COPS7A: variants seen among roughly 807,000 people sequenced by gnomAD.
COPS7A encodes the protein COP9 signalosome complex subunit 7a.
A neutral mutation model predicts 35.2 loss-of-function variants in COPS7A; 20 were observed. The observed-to-expected ratio is 0.57, with a 90% confidence interval of 0.40 to 0.83. The LOEUF (loss-of-function observed/expected upper bound fraction) is 0.83, where lower values mean the gene tolerates loss of function less well. Among genes scored for constraint, COPS7A ranks in the 40% least tolerant of loss-of-function variants. The probability of loss-of-function intolerance (pLI) is 0.00; values close to 1 mark genes in which losing one functional copy is unlikely to be tolerated. For synonymous variants in COPS7A, 139 were observed against 141.4 expected, an observed-to-expected ratio of 0.98 and a Z score of 0.12; for missense variants, 247 against 347.5, an observed-to-expected ratio of 0.71 and a Z score of 2.30.
Position 6,731,137 on chromosome 12 carries a change from A to G in COPS7A, c.*98A>G, listed in dbSNP as rs750033403. On this transcript the variant is annotated 3_prime_UTR_variant, in exon 8 of 8. Coordinates refer to ENST00000543155, the MANE Select transcript of COPS7A (RefSeq NM_001164094.2). ...CCTTCTGTGCCCCTGGCCAGCTGAT[A>G]ATCCTAGGTTCATGACCCTTCACCT... The G allele has an allele frequency of 1.0e-4, 163 of 1,610,566 alleles. 1 individual carries two copies. In the South Asian group the frequency reaches 1.8e-3, roughly 18 times the overall value.
At position 6,729,396 on chromosome 12, in the gene COPS7A, G is replaced by T. The variant is rs1393740537; in HGVS notation, c.477G>T (p.Gly159=). Residue 159 remains glycine (G), a synonymous_variant, in exon 5 of 8, where the codon GGG becomes GGT. Transcript: ENST00000543155. The surrounding 1 kb of genome is among the most constrained non-coding windows in gnomAD (Gnocchi z 4.2). ...NQRLEVDYSI[G]RDIQRQDLSA... ...GGCTCGAGGTTGACTACAGCATCGG[G>T]CGGGACATCCAGCGCCAGGACCTCA... The T allele has an allele frequency of 1.9e-6, 3 of 1,614,038 alleles. No individual in the cohort carries two copies. In the Admixed American group the frequency reaches 5.0e-5, roughly 27 times the overall value.
Position 6,724,816 on chromosome 12 carries a change from G to C in COPS7A, c.160G>C (p.Glu54Gln), listed in dbSNP as rs1396271960. The change falls in exon 2 of 8, where the codon GAG (glutamate) becomes CAG (glutamine). Residue 54 changes from glutamate (E) to glutamine (Q), a missense_variant and splice_region_variant. Transcript: ENST00000543155. ...ACTGCTGGACATGCCCAATGTTAGA[G>C]AGGTGGGTTGCTGGCTTGAATAGCC... is the stretch of plus-strand genomic sequence containing the variant. ...GELLDMPNVRELAESDFASTF... is the reference protein window; with the variant it reads ...GELLDMPNVRQLAESDFASTF... 2 of 1,614,152 alleles carry C rather than the reference G, an allele frequency of 1.2e-6. No individual in the cohort carries two copies. The highest frequency in any genetic ancestry group is 4.5e-5 in the East Asian group (2 of 44,880).
chr12:6,726,337 C>T (rs1237008966), intron 2 of COPS7A, among the ~76,000 whole-genome samples: 2 of 150,942 alleles, frequency 1.3e-5, no homozygotes, highest in African/African-American at 4.9e-5. Flanking sequence ...TGGCTCATGC[C>T]TCTCATGCCT....
Position 6,731,266 on chromosome 12 carries a change from G to A in COPS7A, c.*227G>A. 1.4e-6 allele frequency: 2 copies of A among 1,445,262 alleles called. No individual in the cohort carries two copies. Among genetic ancestry groups the A allele is most frequent in the Non-Finnish European group, 1.8e-6 (2 of 1,101,196 alleles). The allele number at this position is 1,445,262 out of a possible 1,614,324, so 89.5% of individuals were successfully genotyped here. On this transcript the variant is annotated 3_prime_UTR_variant, in exon 8 of 8. Transcript: ENST00000543155. ...TTTTTGTGACTTCATGTGTTCCATT[G>A]CTCCCCGCTGCCATGCTCTCTCCCT...
chr12:6,727,035 T>C (rs1221668295), intron 2 of COPS7A, among the ~76,000 whole-genome samples: 2 of 152,196 alleles, frequency 1.3e-5, no homozygotes, highest in African/African-American at 2.4e-5. Flanking sequence ...CAAGGATTGA[T>C]TGATTAAGTG....
Position 6,729,233 on chromosome 12 carries a change from C to T in COPS7A, c.328-14C>T, listed in dbSNP as rs752226374. On this transcript the variant is annotated splice_polypyrimidine_tract_variant and intron_variant, in intron 4 of 7. Transcript: ENST00000543155. The surrounding 1 kb of genome is among the most constrained non-coding windows in gnomAD (Gnocchi z 4.2). ...GGAGCGTCACAAATCCTGGCCTGAT[C>T]TCCGCGGCCCCAGTGTATCCCATAT... 16 of 1,613,872 alleles carry T rather than the reference C, an allele frequency of 9.9e-6. No homozygotes were observed. The highest frequency in any genetic ancestry group is 1.3e-5 in the African/African-American group (1 of 74,886).
Position 6,729,378 on chromosome 12 carries a change from G to A in COPS7A, c.459G>A (p.Glu153=), listed in dbSNP as rs1289435908. Residue 153 remains glutamate (E), a synonymous_variant, in exon 5 of 8, where the codon GAG becomes GAA. Transcript: ENST00000543155. This position sits in a 1 kb window ranked among gnomAD's most constrained non-coding sequence, Gnocchi z 4.2. ...TGGACCAGCGCAACCAGCGGCTCGA[G>A]GTTGACTACAGCATCGGGCGGGACA... is the stretch of plus-strand genomic sequence containing the variant. The part of the protein sequence containing the change: ...GSLDQRNQRL[E]VDYSIGRDIQ... The A allele has an allele frequency of 6.2e-7, 1 of 1,614,064 alleles. No homozygotes were observed. Among genetic ancestry groups the A allele is most frequent in the Non-Finnish European group, 8.5e-7 (1 of 1,180,048 alleles).
In COPS7A at chr12:6,730,701, G is replaced by A. The variant is rs750727471; in HGVS notation, c.669G>A (p.Thr223=). 5 of 1,614,048 alleles carry A rather than the reference G, an allele frequency of 3.1e-6. No individual in the cohort carries two copies. Among genetic ancestry groups the A allele is most frequent in the East Asian group, 4.5e-5 (2 of 44,864 alleles). The change falls in exon 7 of 8, where the codon ACG becomes ACA. Residue 223 remains threonine (T), a synonymous_variant. Coordinates refer to ENST00000543155, the MANE Select transcript of COPS7A (RefSeq NM_001164094.2). ...VANLKKTIKV[T]TAAAAAATSQ... ...ACCTTAAAAAAACCATTAAAGTTAC[G>A]ACGGCAGCAGCAGCCGCAGCCACAT... is the stretch of plus-strand genomic sequence containing the variant.
intron 5 of COPS7A, 133 bp from the exon 6 acceptor site, chr12:6,730,269 G>T: frequency 6.6e-6 from 5 of 756,610 alleles, no homozygotes; most frequent in Non-Finnish European, 9.1e-6. Context: ...CGCCCATCTT[G>T]GCCTCCCAAA....
intron 2 of COPS7A, among the ~76,000 whole-genome samples, chr12:6,727,108 AG>A (rs1247036224): frequency 6.6e-6 from 1 of 152,124 alleles, no homozygotes; most frequent in Admixed American, 6.5e-5. Context: ...AGGCCAAGGC[AG>A]GTGGATCACC....
intron 4 of COPS7A, among the ~76,000 whole-genome samples, chr12:6,728,645 T>C (rs1941316495): frequency 6.6e-6 from 1 of 152,182 alleles, no homozygotes; most frequent in Non-Finnish European, 1.5e-5. Context: ...GGCTTCTCTT[T>C]GTTAGGATAA....
At position 6,729,914 on chromosome 12, in the gene COPS7A, C is replaced by G. The variant is rs1276752862; in HGVS notation, c.530+465C>G. ...TCCTACTCCCATCTTGCTCATCACT[C>G]CAGGCGCTTCCTTATCCCTCTCTGA... On this transcript the variant is annotated intron_variant, in intron 5 of 7. Coordinates refer to ENST00000543155, the MANE Select transcript of COPS7A (RefSeq NM_001164094.2). The surrounding 1 kb of genome is among the most constrained non-coding windows in gnomAD (Gnocchi z 4.2). Among the ~76,000 whole-genome samples the G allele has an allele frequency of 6.6e-6, 1 of 152,186 alleles. No individual in the cohort carries two copies. The highest frequency in any genetic ancestry group is 2.4e-5 in the African/African-American group (1 of 41,436).
Position 6,731,021 on chromosome 12 carries a change from T to G in COPS7A, c.810T>G (p.Ile270Met). ...CCAGGCTCCGAGGGAGCGCCAAGATTTGGTCCAAGTCGAATTGAAAGGACT... is the reference window on the plus strand; with the variant it reads ...CCAGGCTCCGAGGGAGCGCCAAGATGTGGTCCAAGTCGAATTGAAAGGACT... ...KGKGLRGSAK[I>M]WSKSN The change falls in exon 8 of 8, where the codon ATT (isoleucine) becomes ATG (methionine). Residue 270 changes from isoleucine to methionine, a missense_variant. Ile to Met is a conservative substitution (Grantham distance 10). Coordinates refer to ENST00000543155, the MANE Select transcript of COPS7A (RefSeq NM_001164094.2). The G allele has an allele frequency of 1.9e-6, 3 of 1,613,934 alleles. No homozygotes were observed.
Position 6,729,452 on chromosome 12 carries a change from G to A in COPS7A, c.530+3G>A, listed in dbSNP as rs1183191798. ...ATTGCCCGAACCCTGCAGGAATGGT[G>A]AGAACCGTATCCTGGCACTGTCCCC... On this transcript the variant is annotated splice_donor_region_variant and intron_variant, in intron 5 of 7. Coordinates refer to ENST00000543155, the MANE Select transcript of COPS7A (RefSeq NM_001164094.2). This position sits in a 1 kb window ranked among gnomAD's most constrained non-coding sequence, Gnocchi z 4.2. The A allele has an allele frequency of 6.2e-7, 1 of 1,612,616 alleles. No homozygotes were observed. The highest frequency in any genetic ancestry group is 8.5e-7 in the Non-Finnish European group (1 of 1,179,964).
At chr12:6,726,758 C>T (rs906367795) in intron 2 of COPS7A, among the ~76,000 whole-genome samples, 1 of 151,288 alleles carries the variant, frequency 6.6e-6, no homozygotes, top group Non-Finnish European at 1.5e-5. Context: ...GAGACACCAT[C>T]TCAAAGAAAA....
Position 6,731,275 on chromosome 12 carries a change from T to A in COPS7A, c.*236T>A. On this transcript the variant is annotated 3_prime_UTR_variant, in exon 8 of 8. Coordinates refer to ENST00000543155, the MANE Select transcript of COPS7A (RefSeq NM_001164094.2). Reference sequence around the variant, plus strand: ...CTTCATGTGTTCCATTGCTCCCCGCTGCCATGCTCTCTCCCTTGTTTCCTT... The same window carrying A: ...CTTCATGTGTTCCATTGCTCCCCGCAGCCATGCTCTCTCCCTTGTTTCCTT... The A allele has an allele frequency of 6.9e-7, 1 of 1,440,106 alleles. No homozygotes were observed. Among genetic ancestry groups the A allele is most frequent in the Non-Finnish European group, 9.1e-7 (1 of 1,099,702 alleles). The allele number at this position is 1,440,106 out of a possible 1,614,324, so 89.2% of individuals were successfully genotyped here.
At position 6,724,836 on chromosome 12, in the gene COPS7A, A is replaced by G. The variant is rs73266965; in HGVS notation, c.162+18A>G. On this transcript the variant is annotated intron_variant, in intron 2 of 7. Transcript: ENST00000543155. The stretch of plus-strand genomic sequence containing the variant: ...TTAGAGAGGTGGGTTGCTGGCTTGA[A>G]TAGCCCTCAGAGAAGCGTGGGCAAA... 1.6e-3 allele frequency: 2,542 copies of G among 1,613,600 alleles called. 42 individuals carry two copies. The African/African-American group carries it at 0.03, about 19-fold the overall frequency.
At chr12:6,725,528 G>C (rs561314333) in intron 2 of COPS7A, 1 of 439,934 alleles carries the variant, frequency 2.3e-6, no homozygotes, top group Non-Finnish European at 4.7e-6. Context: ...TTATGGGAAA[G>C]TGTGAAGTCT....
chr12:6,730,403 T>C lies in COPS7A; in HGVS notation c.532T>C (p.Cys178Arg), dbSNP rs1565468878. The C allele has an allele frequency of 1.2e-6, 2 of 1,613,690 alleles. No homozygotes were observed. The highest frequency in any genetic ancestry group is 1.7e-6 in the Non-Finnish European group (2 of 1,179,852). Residue 178 changes from cysteine (C) to arginine (R), a missense_variant and splice_region_variant, in exon 6 of 8, where the codon TGT becomes CGT. Physicochemically the swap from Cys to Arg is radical, Grantham distance 180. Transcript: ENST00000543155. ...ACTTCTCTCCCCTGACTCCTGCAGG[T>C]GTGTGGGCTGTGAGGTCGTGCTGTC... ...SAIARTLQEW[C>R]VGCEVVLSGI...
Sources: allele counts gnomAD v4.1 joint callset (sites outside exome capture counted in the v4.1 genomes callset), GRCh38; gene constraint gnomAD v4.1.1; non-coding constraint Gnocchi (gnomAD v3.1); transcripts MANE v1.5; gene names NCBI Gene and HGNC (gene_info 2026-07-23, HGNC 2026-07-21).